Variants in NDFIP2 observed in about 807,000 individuals in gnomAD.
NDFIP2 encodes Nedd4 family interacting protein 2, also known as NEDD4 family-interacting protein 2.
Under a neutral mutation model 36.0 loss-of-function variants are expected in NDFIP2, and 19 were observed. The observed-to-expected ratio is 0.53, with a 90% confidence interval of 0.37 to 0.77. The LOEUF is 0.77. Among genes scored for constraint, NDFIP2 ranks in the 30% least tolerant of loss-of-function variants. The pLI, the probability that NDFIP2 is intolerant of heterozygous loss-of-function variation, is 0.00. For missense variants in NDFIP2, 446 were observed against 435.8 expected (o/e 1.02, Z -0.21); for synonymous variants, 181 against 167.7 (o/e 1.08, Z -0.61).
chr13:79,513,283 A>C (rs1421211767), intron 1 of NDFIP2, among the ~76,000 whole-genome samples: 1 of 152,200 alleles, frequency 6.6e-6, no homozygotes, highest in Non-Finnish European at 1.5e-5. Context: ...AGACAGTCAC[A>C]TGTCTACTTT....
intron 1 of NDFIP2, among the ~76,000 whole-genome samples, chr13:79,502,945 GAGAA>G (rs961353913): frequency 4.6e-5 from 7 of 151,466 alleles, no homozygotes; most frequent in Admixed American, 6.6e-5. Context: ...CGTGGGTAGG[GAGAA>G]AGAAGTCAGT....
intron 1 of NDFIP2, among the ~76,000 whole-genome samples, chr13:79,511,733 GAT>G (rs1187449391): frequency 6.6e-6 from 1 of 152,082 alleles, no homozygotes; most frequent in Non-Finnish European, 1.5e-5. Context: ...TAATTTAGGG[GAT>G]ACCAAGATGA....
At chr13:79,533,759 T>C (rs1875112680) in intron 3 of NDFIP2, among the ~76,000 whole-genome samples, 1 of 151,444 alleles carries the variant, frequency 6.6e-6, no homozygotes, top group South Asian at 2.1e-4. Context: ...TAGTAGTTTA[T>C]GTATTATCGA....
At chr13:79,530,932 A>G (rs1874991038) in intron 2 of NDFIP2, among the ~76,000 whole-genome samples, 1 of 152,216 alleles carries the variant, frequency 6.6e-6, no homozygotes, top group Non-Finnish European at 1.5e-5. Context: ...TTTTAATGCC[A>G]TCTAGAATAG....
intron 5 of NDFIP2, among the ~76,000 whole-genome samples, chr13:79,544,501 T>C (rs558550610): frequency 5.5e-4 from 84 of 152,056 alleles, no homozygotes; most frequent in African/African-American, 2.0e-3. Flanking sequence ...AGTTTTTTTT[T>C]TTTTTAACTG....
At chr13:79,528,937 A>G (rs755137568) in intron 2 of NDFIP2, among the ~76,000 whole-genome samples, 2 of 152,192 alleles carry the variant, frequency 1.3e-5, no homozygotes, top group African/African-American at 4.8e-5. Flanking sequence ...GAGCTCTGCT[A>G]GATTTTGCAG....
At chr13:79,508,069 A>G (rs1039523714) in intron 1 of NDFIP2, among the ~76,000 whole-genome samples, 3 of 152,154 alleles carry the variant, frequency 2.0e-5, no homozygotes, top group East Asian at 1.9e-4. Flanking sequence ...TTCATTTAGT[A>G]TGTTTTGAAG....
chr13:79,531,837 T>C (rs150714823), intron 2 of NDFIP2, among the ~76,000 whole-genome samples: 1 of 152,350 alleles, frequency 6.6e-6, no homozygotes, highest in African/African-American at 2.4e-5. Context: ...CCCTTTCTTA[T>C]TACTCATGTG....
chr13:79,482,601 A>C (rs1156966932), intron 1 of NDFIP2, among the ~76,000 whole-genome samples: 1 of 144,434 alleles, frequency 6.9e-6, no homozygotes. Flanking sequence ...CCAGGTTTCA[A>C]CTTTCAAATC....
At chr13:79,503,251 G>A (rs1219779620) in intron 1 of NDFIP2, among the ~76,000 whole-genome samples, 2 of 152,142 alleles carry the variant, frequency 1.3e-5, no homozygotes, top group Admixed American at 6.5e-5. Context: ...GGCCTTGTTG[G>A]AACTGGAAAC....
chr13:79,502,299 G>T (rs1363604597), intron 1 of NDFIP2, among the ~76,000 whole-genome samples: 2 of 152,074 alleles, frequency 1.3e-5, no homozygotes, highest in Non-Finnish European at 2.9e-5. Context: ...AAATAAGACA[G>T]TACATCATGC....
Position 79,554,600 on chromosome 13 carries a change from A to G in NDFIP2, c.*2087A>G, listed in dbSNP as rs968046733. The G allele has an allele frequency of 2.8e-4, 42 of 151,880 alleles. 1 individual carries two copies. The highest frequency in any genetic ancestry group is 5.3e-4 in the Admixed American group (8 of 15,224). 9.4% of individuals were successfully genotyped at this position (151,880 alleles called of 1,614,324 possible). On this transcript the variant is annotated 3_prime_UTR_variant, in exon 8 of 8. Coordinates refer to ENST00000218652, the MANE Select transcript of NDFIP2 (RefSeq NM_019080.3). ...AATCCTCTATAATTGGCATAATTCA[A>G]TGGTAGCCTTAAATCTCATCATGTA...
chr13:79,482,050 A>G (rs540135630), intron 1 of NDFIP2, among the ~76,000 whole-genome samples: 60 of 152,084 alleles, frequency 3.9e-4, no homozygotes, highest in African/African-American at 1.4e-3. Context: ...AAGACTAGCC[A>G]TAATGCTGAT....
At chr13:79,518,448 T>C (rs1378398093) in intron 1 of NDFIP2, among the ~76,000 whole-genome samples, 1 of 152,228 alleles carries the variant, frequency 6.6e-6, no homozygotes, top group East Asian at 1.9e-4. Flanking sequence ...GCTAGTGTGA[T>C]CATTTACCAA....
At chr13:79,550,945 G>T in intron 6 of NDFIP2, 72 bp from the exon 7 acceptor site, 1 of 829,562 alleles carries the variant, frequency 1.2e-6, no homozygotes. Flanking sequence ...GTTTATAATT[G>T]TCTACTTTAA....
chr13:79,533,493 T>G (rs1180585081), intron 3 of NDFIP2, 37 bp downstream of exon 3: 7 of 1,544,262 alleles, frequency 4.5e-6, no homozygotes, highest in African/African-American at 1.4e-5. Context: ...ATAAAATTAT[T>G]TTCGTTAATT....
chr13:79,536,019 A>G (rs1414068807), intron 3 of NDFIP2, among the ~76,000 whole-genome samples: 1 of 150,702 alleles, frequency 6.6e-6, no homozygotes. Context: ...ATCAACTCTC[A>G]CTGGGAGAAT....
At chr13:79,527,997 C>A (rs1247330284) in intron 2 of NDFIP2, among the ~76,000 whole-genome samples, 5 of 152,184 alleles carry the variant, frequency 3.3e-5, no homozygotes, top group Non-Finnish European at 5.9e-5. Flanking sequence ...TGCACGGTGG[C>A]ACATGCCTAT....
At chr13:79,546,856 A>G (rs1027734695) in intron 5 of NDFIP2, among the ~76,000 whole-genome samples, 3 of 152,118 alleles carry the variant, frequency 2.0e-5, no homozygotes, top group Non-Finnish European at 2.9e-5. Flanking sequence ...TAAGACCTAT[A>G]TGAAAATGTT....
Sources: gnomAD v4.1 joint callset for allele counts (sites outside exome capture counted in the v4.1 genomes callset) on GRCh38, gnomAD v4.1.1 for gene constraint, MANE v1.5 for transcripts, NCBI Gene and HGNC (gene_info 2026-07-23, HGNC 2026-07-21) for gene names.